The following CD52 variants were observed in gnomAD, a reference collection of about 807,000 sequenced individuals.
CD52 encodes CD52 molecule, also known as CAMPATH-1 antigen.
In CD52, 2 loss-of-function variants were observed where a neutral mutation model predicts 2.5. The ratio of observed to expected loss-of-function variants is 0.79; its 90% CI spans 0.32 to 2.48. The LOEUF is 2.48. CD52 is among the 30% of genes most tolerant of loss of function. The pLI, the probability that CD52 is intolerant of heterozygous loss-of-function variation, is 0.11. For synonymous variants in CD52, 24 were observed against 27.7 expected (o/e 0.87, Z 0.42); for missense variants, 62 against 75.8 (o/e 0.82, Z 0.68).
Position 26,320,362 on chromosome 1 carries a change from A to G in CD52, c.*60A>G. On this transcript the variant is annotated 3_prime_UTR_variant, in exon 2 of 2. Coordinates refer to ENST00000374213, the MANE Select transcript of CD52 (RefSeq NM_001803.3). The stretch of plus-strand genomic sequence containing the variant: ...GAAACAGCTGCCACCATCACTCGCA[A>G]GAGAATCCCCTCCATCTTTGGGAGG... 1 of 1,553,256 alleles carries G rather than the reference A, an allele frequency of 6.4e-7. No homozygotes were observed. The highest frequency in any genetic ancestry group is 8.7e-7 in the Non-Finnish European group (1 of 1,153,100).
chr1:26,319,464 GA>G (rs146201400), intron 1 of CD52, among the ~76,000 whole-genome samples: 24 of 134,164 alleles, frequency 1.8e-4, no homozygotes, highest in South Asian at 4.9e-4. Context: ...CTCTGTCTCG[GA>G]AAAAAAAAAA....
At chr1:26,319,329 G>A (rs11587764) in intron 1 of CD52, among the ~76,000 whole-genome samples, 102,664 of 151,314 alleles carry the variant, frequency 0.68, 35,393 homozygotes, top group Non-Finnish European at 0.75. Flanking sequence ...GCGTGGTGGC[G>A]GGCGCCTGTA....
At chr1:26,320,147 C>G in intron 1 of CD52, 24 bp from the exon 2 acceptor site, 1 of 1,593,008 alleles carries the variant, frequency 6.3e-7, no homozygotes, top group Non-Finnish European at 8.5e-7. Context: ...GTCCCCTGAT[C>G]TTATCCCACT....
chr1:26,319,163 G>A (rs991694297), intron 1 of CD52, among the ~76,000 whole-genome samples: 7 of 152,094 alleles, frequency 4.6e-5, no homozygotes, highest in African/African-American at 1.7e-4. Context: ...ACAAAAATTA[G>A]CTGGGCGAGC....
chr1:26,320,485 G>A lies in CD52; in HGVS notation c.*183G>A, dbSNP rs2073842878. ...GGTAATGATGTAGGGGCCAAGCAGT[G>A]CCCAGCTGGGGGTCAATAAAGTTAC... On this transcript the variant is annotated 3_prime_UTR_variant, in exon 2 of 2. Coordinates refer to ENST00000374213, the MANE Select transcript of CD52 (RefSeq NM_001803.3). 3 of 686,132 alleles carry A rather than the reference G, an allele frequency of 4.4e-6. No individual in the cohort carries two copies. The highest frequency in any genetic ancestry group is 2.0e-5 in the South Asian group (1 of 49,190). The allele number at this position is 686,132 out of a possible 1,614,324, so 42.5% of individuals were successfully genotyped here.
At chr1:26,318,455 G>C in intron 1 of CD52, 1 of 185,534 alleles carries the variant, frequency 5.4e-6, no homozygotes, top group Non-Finnish European at 1.1e-5. Flanking sequence ...GGAGAGGCCA[G>C]GAGATGTCCA....
Position 26,320,170 on chromosome 1 carries a change from G to C in CD52, c.55-1G>C. 6.2e-7 allele frequency: 1 copy of C among 1,610,306 alleles called. No individual in the cohort carries two copies. Among genetic ancestry groups the C allele is most frequent in the Non-Finnish European group, 8.5e-7 (1 of 1,178,856 alleles). ...ATCTTATCCCACTTCTCCTCCTACA[G>C]ATACAAACTGGACTCTCAGGACAAA... On this transcript the variant is annotated splice_acceptor_variant, in intron 1 of 1. Coordinates refer to ENST00000374213, the MANE Select transcript of CD52 (RefSeq NM_001803.3). LOFTEE classifies it high-confidence loss of function.
chr1:26,320,436 T>A lies in CD52; in HGVS notation c.*134T>A, dbSNP rs1443097702. 5.6e-6 allele frequency: 7 copies of A among 1,245,222 alleles called. No homozygotes were observed. Among genetic ancestry groups the A allele is most frequent in the Non-Finnish European group, 7.7e-6 (7 of 907,024 alleles). 77.1% of individuals were successfully genotyped at this position (1,245,222 alleles called of 1,614,324 possible). ...TTGTAGAAGTTGACAGGCAGTGCCA[T>A]GGGGGCAACAGCCAAAATAGGGGGG... is the stretch of plus-strand genomic sequence containing the variant. On this transcript the variant is annotated 3_prime_UTR_variant, in exon 2 of 2. Transcript: ENST00000374213.
chr1:26,318,105 C>A (rs1287290233), intron 1 of CD52, 34 bp downstream of exon 1: 1 of 1,595,828 alleles, frequency 6.3e-7, no homozygotes, highest in Non-Finnish European at 8.6e-7. Context: ...TGCCAGGACT[C>A]CCCAAAGTTG....
At chr1:26,318,329 C>T (rs911322782) in intron 1 of CD52, 19 of 463,694 alleles carry the variant, frequency 4.1e-5, no homozygotes, top group Admixed American at 1.0e-4. Flanking sequence ...GGGTGCTAGG[C>T]GCGTTGGGGC....
chr1:26,320,406 C>A lies in CD52; in HGVS notation c.*104C>A. On this transcript the variant is annotated 3_prime_UTR_variant, in exon 2 of 2. Transcript: ENST00000374213. ...TGGGAGGGGTTGATGCCAGACATCA[C>A]CAGGTTGTAGAAGTTGACAGGCAGT... 2 of 1,444,566 alleles carry A rather than the reference C, an allele frequency of 1.4e-6. No homozygotes were observed. The highest frequency in any genetic ancestry group is 1.4e-5 in the South Asian group (1 of 74,030). The allele number at this position is 1,444,566 out of a possible 1,614,324, so 89.5% of individuals were successfully genotyped here. A position where few individuals can be genotyped will look rare whatever the true frequency, so the allele number is the denominator to read the frequency against.
intron 1 of CD52, 51 bp from the exon 2 acceptor site, chr1:26,320,120 T>TAAAA: frequency 1.4e-6 from 2 of 1,441,264 alleles, no homozygotes; most frequent in East Asian, 2.4e-5. Flanking sequence ...ACTCCACCTC[T>TAAAA]AAAAAAAAAA....
intron 1 of CD52, 111 bp downstream of exon 1, chr1:26,318,182 C>G: frequency 1.1e-6 from 1 of 896,266 alleles, no homozygotes; most frequent in South Asian, 1.4e-5. Context: ...CCTGAGAGCA[C>G]AGCAGATGGA....
chr1:26,318,700 C>G (rs1301037645), intron 1 of CD52: 1 of 152,470 alleles, frequency 6.6e-6, no homozygotes, highest in Admixed American at 6.5e-5. Flanking sequence ...TCAAGAACAG[C>G]TTGATCACCA....
At chr1:26,319,868 TCC>T (rs1455498679) in intron 1 of CD52, among the ~76,000 whole-genome samples, 10 of 151,932 alleles carry the variant, frequency 6.6e-5, no homozygotes, top group Admixed American at 6.6e-4. Context: ...ACACCTGTAA[TCC>T]CAGTACTTTG....
intron 1 of CD52, among the ~76,000 whole-genome samples, chr1:26,319,765 C>A (rs892681040): frequency 4.0e-5 from 6 of 151,466 alleles, no homozygotes; most frequent in Non-Finnish European, 5.9e-5. Context: ...TGGAGGTGGG[C>A]GGATGGAGGG....
chr1:26,320,105 G>A, intron 1 of CD52, 66 bp from the exon 2 acceptor site: 1 of 1,550,130 alleles, frequency 6.5e-7, no homozygotes. Context: ...GGGTGACAGA[G>A]TGAGACTCCA....
At chr1:26,320,120 TAAAA>T (rs111668601) in intron 1 of CD52, 47 bp from the exon 2 acceptor site, 74 of 1,440,488 alleles carry the variant, frequency 5.1e-5, no homozygotes, top group Admixed American at 1.9e-4. Flanking sequence ...ACTCCACCTC[TAAAA>T]AAAAAAAAAA....
chr1:26,319,443 A>G (rs945158947), intron 1 of CD52, among the ~76,000 whole-genome samples: 1 of 145,992 alleles, frequency 6.8e-6, no homozygotes, highest in Non-Finnish European at 1.5e-5. Context: ...TGGGCGGGCG[A>G]CAGAGCAAGA....
Sources: allele counts gnomAD v4.1 joint callset (sites outside exome capture counted in the v4.1 genomes callset), GRCh38; gene constraint gnomAD v4.1.1; transcripts MANE v1.5; gene names NCBI Gene and HGNC (gene_info 2026-07-23, HGNC 2026-07-21).